NINL: variants seen among roughly 807,000 people sequenced by gnomAD.
The protein encoded by NINL is ninein-like protein.
A neutral mutation model predicts 160.3 loss-of-function variants in NINL; 153 were observed. That is an observed-to-expected ratio of 0.95 (90% CI 0.84 to 1.09). The LOEUF (loss-of-function observed/expected upper bound fraction) is 1.09. Among genes scored for constraint, NINL ranks in the 50% least tolerant of loss-of-function variants. NINL has a pLI of 0.00. For synonymous variants in NINL, 800 were observed against 734.8 expected, an observed-to-expected ratio of 1.09 and a Z score of -1.43; for missense variants, 1,829 against 1,764.0, an observed-to-expected ratio of 1.04 and a Z score of -0.66.
chr20:25,515,759 G>GTTGT (rs909726195), intron 3 of NINL, among the ~76,000 whole-genome samples: 2 of 151,792 alleles, frequency 1.3e-5, no homozygotes. Flanking sequence ...TTTTTTTATT[G>GTTGT]TTGTTTGTTT....
chr20:25,532,370 C>A (rs769125634), intron 1 of NINL, among the ~76,000 whole-genome samples: 6 of 152,240 alleles, frequency 3.9e-5, no homozygotes, highest in Non-Finnish European at 7.3e-5. Context: ...GGAGGGCTGG[C>A]CAGCAGGGCT....
chr20:25,574,349 C>T (rs1044392398), intron 1 of NINL, among the ~76,000 whole-genome samples: 2 of 151,546 alleles, frequency 1.3e-5, no homozygotes, highest in East Asian at 3.8e-4. Flanking sequence ...TTGTGCCCAC[C>T]ACCGTCTTTT....
At chr20:25,470,618 C>G (rs1478914164) in intron 17 of NINL, among the ~76,000 whole-genome samples, 1 of 152,210 alleles carries the variant, frequency 6.6e-6, no homozygotes, top group African/African-American at 2.4e-5. Flanking sequence ...CCTGGGCCGT[C>G]TTTGTTCTCT....
At chr20:25,519,812 T>C (rs1461863970) in intron 2 of NINL, among the ~76,000 whole-genome samples, 1 of 150,106 alleles carries the variant, frequency 6.7e-6, no homozygotes, top group East Asian at 1.9e-4. Flanking sequence ...AGCTCAGGAG[T>C]TGGAAACCAG....
chr20:25,559,092 T>A (rs1308463588), intron 1 of NINL, among the ~76,000 whole-genome samples: 1 of 152,214 alleles, frequency 6.6e-6, no homozygotes, highest in Non-Finnish European at 1.5e-5. Context: ...TCAACCTAAG[T>A]GATTATCACG....
Position 25,455,617 on chromosome 20 carries a change from G to C in NINL, c.3957+56C>G. On this transcript the variant is annotated intron_variant, in intron 23 of 23. Transcript: ENST00000278886. ...ATTAGCTACCTGCACACCCATAAAA[G>C]TGGAGAGCGTTCAGAAGAGGACGTG... is the stretch of plus-strand genomic sequence containing the variant. 23 of 1,292,140 alleles carry C rather than the reference G, an allele frequency of 1.8e-5. No individual in the cohort carries two copies. The South Asian group carries it at 2.8e-4, about 16-fold the overall frequency. 80.0% of individuals were successfully genotyped at this position (1,292,140 alleles called of 1,614,324 possible). A position where few individuals can be genotyped will look rare whatever the true frequency, so the allele number is the denominator to read the frequency against.
intron 19 of NINL, among the ~76,000 whole-genome samples, chr20:25,465,822 GC>G (rs1568844905): frequency 6.6e-6 from 1 of 152,228 alleles, no homozygotes; most frequent in East Asian, 1.9e-4. Context: ...CCTACTGCCA[GC>G]AACCTTGTTG....
chr20:25,501,125 T>A, intron 7 of NINL, 115 bp from the exon 8 acceptor site: 1 of 1,334,690 alleles, frequency 7.5e-7, no homozygotes. Flanking sequence ...CAGGAACAGC[T>A]CATGAGACCA....
chr20:25,486,604 G>A (rs1401916336), intron 13 of NINL, among the ~76,000 whole-genome samples: 3 of 146,246 alleles, frequency 2.1e-5, no homozygotes, highest in Admixed American at 1.4e-4. Context: ...GAAGGAAGGC[G>A]ACACCGCTCA....
Position 25,476,437 on chromosome 20 carries a change from GC to G in NINL, c.2853del (p.Gln952LysfsTer11), listed in dbSNP as rs764902479. 17 of 1,609,148 alleles carry G rather than the reference GC, an allele frequency of 1.1e-5. No homozygotes were observed. The Admixed American group carries it at 2.8e-4, about 27-fold the overall frequency. On this transcript the variant is annotated frameshift_variant, in exon 17 of 24. Coordinates refer to ENST00000278886, the MANE Select transcript of NINL (RefSeq NM_025176.6). LOFTEE classifies it high-confidence loss of function. ...LPLLGTERDASQTQPRMWEPP... is the reference protein window; with the variant it reads ...LPLLGTERDAXQTQPRMWEPP... ...GGCTCCCACATCCGTGGCTGGGTTT[GC>G]GAGGCGTCTCTCTCTGTTCCCAGCA...
rs1049281055 is a variant in NINL at position 25,557,280 on chromosome 20, T to A, written c.-12+28175A>T. On this transcript the variant is annotated intron_variant, in intron 1 of 23. Transcript: ENST00000278886. The stretch of plus-strand genomic sequence containing the variant: ...GTGTGGTGGCTCACACCTGTAATCC[T>A]AGCACTTTGGAAGGCCAAGGAGGGT... Among the ~76,000 whole-genome samples the A allele has an allele frequency of 5.3e-5, 8 of 152,188 alleles. No individual in the cohort carries two copies. In the East Asian group the frequency reaches 1.5e-3, roughly 29 times the overall value.
chr20:25,581,672 T>G (rs949487567), intron 1 of NINL, among the ~76,000 whole-genome samples: 16 of 152,200 alleles, frequency 1.1e-4, no homozygotes, highest in Non-Finnish European at 1.9e-4. Flanking sequence ...AATTAGCGGA[T>G]AACTCTTTTT....
At chr20:25,526,262 A>G in intron 2 of NINL, 146 bp downstream of exon 2, 1 of 718,224 alleles carries the variant, frequency 1.4e-6, no homozygotes. Flanking sequence ...GAATTTCCAT[A>G]GAGGGAAAAA....
rs1600274353 is a variant in NINL, at chr20:25,525,781, G to C, written c.180+627C>G. ...CAGGCATGTTTAAGAAGTAGGAATG[G>C]GGAGGTGCTTTTTAGTGTTTTGATC... On this transcript the variant is annotated intron_variant, in intron 2 of 23. Transcript: ENST00000278886. 2.0e-5 allele frequency among the ~76,000 whole-genome samples: 3 copies of C among 152,218 alleles called. No individual in the cohort carries two copies. The South Asian group carries it at 6.2e-4, about 31-fold the overall frequency.
At chr20:25,540,015 T>A in intron 1 of NINL, 1 of 1,288,464 alleles carries the variant, frequency 7.8e-7, no homozygotes, top group Non-Finnish European at 1.0e-6. Context: ...TAATACACAC[T>A]GTTTACCTGC....
At chr20:25,511,526 G>A (rs555161491) in intron 4 of NINL, among the ~76,000 whole-genome samples, 8 of 152,320 alleles carry the variant, frequency 5.3e-5, no homozygotes, top group African/African-American at 1.7e-4. Flanking sequence ...GCTCTGATCA[G>A]GGAGAATCTG....
chr20:25,521,381 T>C (rs1232016327), intron 2 of NINL, among the ~76,000 whole-genome samples: 1 of 152,252 alleles, frequency 6.6e-6, no homozygotes, highest in African/African-American at 2.4e-5. Flanking sequence ...AGTTGTTTTA[T>C]ATTTTGTGTC....
Position 25,496,709 on chromosome 20 carries a change from C to G in NINL, c.1264G>C (p.Asp422His). 1 of 1,614,088 alleles carries G rather than the reference C, an allele frequency of 6.2e-7. No homozygotes were observed. Among genetic ancestry groups the G allele is most frequent in the Non-Finnish European group, 8.5e-7 (1 of 1,180,024 alleles). ...TGCTCCAGGGTGGAGTGGCAGTCGT[C>G]CATCTCTTTCACAAACTCCAGGTTC... is the stretch of plus-strand genomic sequence containing the variant. ...KRNLEFVKEM[D>H]DCHSTLEQLT... is the part of the protein sequence containing the mutation. The change falls in exon 10 of 24, where the codon GAC becomes CAC. Residue 422 changes from aspartate to histidine, a missense_variant. By Grantham distance (81) the Asp-to-His change is moderately conservative. Transcript: ENST00000278886.
chr20:25,516,433 G>A (rs545510909), intron 3 of NINL, among the ~76,000 whole-genome samples: 6 of 152,102 alleles, frequency 3.9e-5, no homozygotes, highest in East Asian at 1.9e-4. Context: ...CACAAGTTCC[G>A]AACAGTTTGT....
Sources: allele counts gnomAD v4.1 joint callset (sites outside exome capture counted in the v4.1 genomes callset), GRCh38; gene constraint gnomAD v4.1.1; transcripts MANE v1.5; gene names NCBI Gene and HGNC (gene_info 2026-07-23, HGNC 2026-07-21).